The following CCDC39 variants were observed in gnomAD, a reference collection of about 807,000 sequenced individuals.
CCDC39 encodes the protein coiled-coil domain-containing protein 39.
In CCDC39, 113 loss-of-function variants were observed where a neutral mutation model predicts 121.0. The observed-to-expected ratio is 0.93, with a 90% CI of 0.80 to 1.09. CCDC39 has a LOEUF of 1.09. Among genes scored for constraint, CCDC39 ranks in the 50% least tolerant of loss-of-function variants. The probability of loss-of-function intolerance (pLI) is 0.00; values close to 1 mark genes in which losing one functional copy is unlikely to be tolerated. For synonymous variants in CCDC39, 349 were observed against 352.2 expected (o/e 0.99, Z 0.10); for missense variants, 1,063 against 1,074.7 (o/e 0.99, Z 0.15).
chr3:180,651,321 T>C lies in CCDC39; in HGVS notation c.1167+80A>G, dbSNP rs192040985. ...CAGAGCTTCTTACAAGACCTCCTCGTCCTCTGATCCTAGGAGTCTAATTAA... is the reference window on the plus strand; with the variant it reads ...CAGAGCTTCTTACAAGACCTCCTCGCCCTCTGATCCTAGGAGTCTAATTAA... On this transcript the variant is annotated intron_variant, in intron 9 of 19. Coordinates refer to ENST00000476379, the MANE Select transcript of CCDC39 (RefSeq NM_181426.2). 8.7e-5 allele frequency: 103 copies of C among 1,182,754 alleles called. No individual in the cohort carries two copies. In the Admixed American group the frequency reaches 1.4e-3, roughly 16 times the overall value. 73.3% of individuals were successfully genotyped at this position (1,182,754 alleles called of 1,614,324 possible).
intron 16 of CCDC39, chr3:180,617,253 C>T (rs1387170969): frequency 6.4e-6 from 3 of 471,142 alleles, no homozygotes; most frequent in African/African-American, 4.0e-5. Flanking sequence ...GTAAACAAAC[C>T]TGCATTGCCA....
At position 180,651,419 on chromosome 3, in the gene CCDC39, C is replaced by T. The variant is rs777802977; in HGVS notation, c.1149G>A (p.Glu383=). The T allele has an allele frequency of 2.6e-5, 41 of 1,557,494 alleles. 1 individual carries two copies. In the East Asian group the frequency reaches 9.2e-4, roughly 35 times the overall value. Residue 383 remains glutamate (E), a synonymous_variant, in exon 9 of 20, where the codon GAG becomes GAA. Coordinates refer to ENST00000476379, the MANE Select transcript of CCDC39 (RefSeq NM_181426.2). The stretch of plus-strand genomic sequence containing the variant: ...ACTTTACCTTCACATCTTTTTCCTC[C>T]TCCTTTAGCATATCTTCCAAATTAG... The part of the protein sequence containing the change: ...KATNLEDMLK[E]EEKDVKEVDV...
Position 180,651,507 on chromosome 3 carries a change from T to G in CCDC39, c.1061A>C (p.Glu354Ala). The change falls in exon 9 of 20, where the codon GAG becomes GCG. Residue 354 changes from glutamate to alanine, a missense_variant. By Grantham distance (107) the Glu-to-Ala change is moderately radical. Transcript: ENST00000476379. ...ARLQKTKNHNEIIQTKLKEIT... is the reference protein window; with the variant it reads ...ARLQKTKNHNAIIQTKLKEIT... ...CTCCTTTAATTTTGTTTGTATTATC[T>G]CATTATGATTTTTAGTTTTTTGTAA... 6.5e-7 allele frequency: 1 copy of G among 1,528,632 alleles called. No individual in the cohort carries two copies. 94.7% of individuals were successfully genotyped at this position (1,528,632 alleles called of 1,614,324 possible). A position where few individuals can be genotyped will look rare whatever the true frequency, so the allele number is the denominator to read the frequency against.
chr3:180,679,293 G>A lies in CCDC39; in HGVS notation c.88C>T (p.Gln30Ter). 6.2e-7 allele frequency: 1 copy of A among 1,613,276 alleles called. No homozygotes were observed. The highest frequency in any genetic ancestry group is 8.5e-7 in the Non-Finnish European group (1 of 1,179,290). Reference sequence around the variant, plus strand: ...CCGCCTGCTTCAATTGATCTCACCTGATCTTCCAGTAGCTTGTTCTCCTCG... The same window carrying A: ...CCGCCTGCTTCAATTGATCTCACCTAATCTTCCAGTAGCTTGTTCTCCTCG... ...ANEENKLLED[Q>*]LSKLKDERAS... is the part of the protein sequence containing the mutation. Residue 30 changes from glutamine to a stop codon, truncating the protein, a stop_gained and splice_region_variant, in exon 1 of 20, where the codon CAG becomes TAG. Transcript: ENST00000476379. LOFTEE classifies it high-confidence loss of function. This position sits in a 1 kb window ranked among gnomAD's most constrained non-coding sequence, Gnocchi z 4.0.
intron 9 of CCDC39, among the ~76,000 whole-genome samples, chr3:180,651,098 G>A (rs1275657633): frequency 2.6e-5 from 4 of 152,086 alleles, no homozygotes. Flanking sequence ...GGGAGGCTGA[G>A]GCAGGAGAAT....
At chr3:180,635,451 G>A (rs180992915) in intron 13 of CCDC39, among the ~76,000 whole-genome samples, 162 of 152,212 alleles carry the variant, frequency 1.1e-3, no homozygotes, top group Admixed American at 4.6e-3. Context: ...AGTCCCTTCC[G>A]CCTATGAGCC....
chr3:180,634,014 C>A (rs1717764323), intron 13 of CCDC39, among the ~76,000 whole-genome samples: 3 of 152,072 alleles, frequency 2.0e-5, no homozygotes, highest in South Asian at 2.1e-4. Flanking sequence ...GGGGAAAAAA[C>A]AGCCTGAGGA....
chr3:180,628,277 C>T lies in CCDC39; in HGVS notation c.1998+3192G>A, dbSNP rs180709522. 4.6e-5 allele frequency among the ~76,000 whole-genome samples: 7 copies of T among 152,264 alleles called. 1 individual carries two copies. Among genetic ancestry groups the T allele is most frequent in the Admixed American group, 4.6e-4 (7 of 15,302 alleles). ...CCAGGCTAGAGTGCAGTGGTGCAAT[C>T]TTGGCTCACTGCAAGCTCCGCCTCC... On this transcript the variant is annotated intron_variant, in intron 14 of 19. Coordinates refer to ENST00000476379, the MANE Select transcript of CCDC39 (RefSeq NM_181426.2).
At chr3:180,629,493 AC>A (rs1324744594) in intron 14 of CCDC39, among the ~76,000 whole-genome samples, 1 of 152,178 alleles carries the variant, frequency 6.6e-6, no homozygotes, top group East Asian at 1.9e-4. Flanking sequence ...ATCAGATAAT[AC>A]CTGGAGGGCC....
chr3:180,674,762 T>C (rs1440889021), intron 1 of CCDC39, among the ~76,000 whole-genome samples: 2 of 152,244 alleles, frequency 1.3e-5, no homozygotes, highest in Admixed American at 6.5e-5. Flanking sequence ...TTTGGTTCTG[T>C]TTATATGCTG....
chr3:180,678,138 CA>C (rs892616790), intron 1 of CCDC39, among the ~76,000 whole-genome samples: 1 of 151,994 alleles, frequency 6.6e-6, no homozygotes, highest in East Asian at 1.9e-4. Flanking sequence ...CTCCGCTTTA[CA>C]AAAAAAGAAG....
At position 180,614,579 on chromosome 3, in the gene CCDC39, TTTC is replaced by T; in HGVS notation, c.*339_*341del. On this transcript the variant is annotated 3_prime_UTR_variant, in exon 20 of 20. Coordinates refer to ENST00000476379, the MANE Select transcript of CCDC39 (RefSeq NM_181426.2). ...TAATAGTACAGTAAATCTTTAGAAATTTCTTCTTGAAAGATTGTTACATTAGAA... is the reference window on the plus strand; with the variant it reads ...TAATAGTACAGTAAATCTTTAGAAATTTCTTGAAAGATTGTTACATTAGAA... 5.0e-6 allele frequency: 1 copy of T among 201,542 alleles called. No homozygotes were observed. Among genetic ancestry groups the T allele is most frequent in the East Asian group, 1.6e-4 (1 of 6,418 alleles). 12.5% of individuals were successfully genotyped at this position (201,542 alleles called of 1,614,324 possible). A position where few individuals can be genotyped will look rare whatever the true frequency, so the allele number is the denominator to read the frequency against.
intron 7 of CCDC39, among the ~76,000 whole-genome samples, chr3:180,653,361 A>G (rs1036655262): frequency 5.3e-5 from 8 of 152,214 alleles, no homozygotes; most frequent in Non-Finnish European, 7.3e-5. Flanking sequence ...TTATTTTAAT[A>G]CAACTTAGGT....
chr3:180,619,957 T>C lies in CCDC39; in HGVS notation c.2012A>G (p.Lys671Arg). 1 of 1,605,754 alleles carries C rather than the reference T, an allele frequency of 6.2e-7. No homozygotes were observed. The highest frequency in any genetic ancestry group is 1.3e-5 in the African/African-American group (1 of 74,758). Residue 671 changes from lysine to arginine, a missense_variant, in exon 15 of 20, where the codon AAA becomes AGA. Lys to Arg is a conservative substitution (Grantham distance 26, BLOSUM62 2). Transcript: ENST00000476379. ...AYYVIKAAQE[K>R]EELQREGDCL... The stretch of plus-strand genomic sequence containing the variant: ...GTCACCTTCCCTTTGAAGTTCTTCT[T>C]TTTCTTGAGCAGCCTATGAAGTACA...
rs747980515 is a variant in CCDC39, at chr3:180,651,522, G to GT, written c.1045dup (p.Thr349AsnfsTer2). ...TTGTATTATCTCATTATGATTTTTA[G>GT]TTTTTTGTAACCTGAAGAGGGTTTA... On this transcript the variant is annotated frameshift_variant, in exon 9 of 20. Transcript: ENST00000476379. LOFTEE classifies it high-confidence loss of function. 6.6e-7 allele frequency: 1 copy of GT among 1,523,880 alleles called. No homozygotes were observed. Among genetic ancestry groups the GT allele is most frequent in the African/African-American group, 1.4e-5 (1 of 71,126 alleles). The allele number at this position is 1,523,880 out of a possible 1,614,324, so 94.4% of individuals were successfully genotyped here. A position where few individuals can be genotyped will look rare whatever the true frequency, so the allele number is the denominator to read the frequency against.
rs1417961381 is a variant in CCDC39 at position 180,658,298 on chromosome 3, GAATT to G, written c.738+1150_738+1153del. Among the ~76,000 whole-genome samples, 17 of 129,344 alleles carry G rather than the reference GAATT, an allele frequency of 1.3e-4. 1 individual carries two copies. The highest frequency in any genetic ancestry group is 1.2e-3 in the Admixed American group (15 of 12,498). 84.9% of individuals were successfully genotyped at this position (129,344 alleles called of 152,430 possible). On this transcript the variant is annotated intron_variant, in intron 6 of 19. Transcript: ENST00000476379. The stretch of plus-strand genomic sequence containing the variant: ...GAACCTCCTTAAAAAAAAAAAAAAA[GAATT>G]AAGAGAACCTCTGCCAGGCGCGGTG...
In CCDC39 at chr3:180,660,592, T is replaced by C; in HGVS notation, c.494A>G (p.Gln165Arg). Reference protein sequence around the residue: ...SDALTLQKYAQQDDNKIRALT... With the variant: ...SDALTLQKYARQDDNKIRALT... ...CACCCTGATTTTATTATCATCTTGT[T>C]GTGCATACTTCTGGAGAGTGAGAGC... Residue 165 changes from glutamine to arginine, a missense_variant, in exon 4 of 20, where the codon CAA becomes CGA. Transcript: ENST00000476379. 6.3e-7 allele frequency: 1 copy of C among 1,592,576 alleles called. No homozygotes were observed. The highest frequency in any genetic ancestry group is 8.6e-7 in the Non-Finnish European group (1 of 1,167,488).
chr3:180,676,533 A>C (rs1712211729), intron 1 of CCDC39, among the ~76,000 whole-genome samples: 2 of 152,272 alleles, frequency 1.3e-5, no homozygotes, highest in African/African-American at 2.4e-5. Flanking sequence ...GAACACTTTT[A>C]CACTGTTGGT....
rs562347955 is a variant in CCDC39, at chr3:180,644,341, AC to A, written c.1528-85del. The stretch of plus-strand genomic sequence containing the variant: ...ATACATGCTGTATTATATATATCTT[AC>A]ATTAAATTATATACTCAGATATTTA... On this transcript the variant is annotated intron_variant, in intron 11 of 19. Coordinates refer to ENST00000476379, the MANE Select transcript of CCDC39 (RefSeq NM_181426.2). 4.0e-5 allele frequency: 30 copies of A among 750,806 alleles called. No individual in the cohort carries two copies. In the Admixed American group the frequency reaches 1.1e-3, roughly 27 times the overall value. The allele number at this position is 750,806 out of a possible 1,614,324, so 46.5% of individuals were successfully genotyped here. A position where few individuals can be genotyped will look rare whatever the true frequency, so the allele number is the denominator to read the frequency against.
Sources: allele counts gnomAD v4.1 joint callset (sites outside exome capture counted in the v4.1 genomes callset), GRCh38; gene constraint gnomAD v4.1.1; non-coding constraint Gnocchi (gnomAD v3.1); transcripts MANE v1.5; gene names NCBI Gene and HGNC (gene_info 2026-07-23, HGNC 2026-07-21).